The following KCND2 variants were observed in gnomAD, a reference collection of about 807,000 sequenced individuals.
KCND2 encodes potassium voltage-gated channel subfamily D member 2.
A neutral mutation model predicts 54.4 loss-of-function variants in KCND2; 16 were observed. The ratio of observed to expected loss-of-function variants is 0.29; its 90% CI spans 0.20 to 0.45. KCND2 has a LOEUF of 0.45. Ranked by LOEUF, KCND2 falls within the 20% of genes least tolerant of loss-of-function variation. The probability of loss-of-function intolerance (pLI) is 1.00; values close to 1 mark genes in which losing one functional copy is unlikely to be tolerated. For synonymous variants in KCND2, 317 were observed against 310.7 expected (o/e 1.02, Z -0.21); for missense variants, 486 against 824.2 (o/e 0.59, Z 5.02).
At chr7:120,645,787 G>A (rs961554055) in intron 1 of KCND2, among the ~76,000 whole-genome samples, 20 of 152,168 alleles carry the variant, frequency 1.3e-4, no homozygotes, top group African/African-American at 4.3e-4. Context: ...ATGCTAATAT[G>A]GTGTTTTATG....
intron 1 of KCND2, among the ~76,000 whole-genome samples, chr7:120,628,204 A>C (rs1341649601): frequency 6.6e-6 from 1 of 152,192 alleles, no homozygotes; most frequent in Non-Finnish European, 1.5e-5. Context: ...ATAAGCGAAC[A>C]CTCAAATAAC....
chr7:120,709,448 T>C (rs1792511352), intron 1 of KCND2, among the ~76,000 whole-genome samples: 1 of 152,178 alleles, frequency 6.6e-6, no homozygotes, highest in Admixed American at 6.6e-5. Context: ...ACTAACTCAA[T>C]TGTTTTTATG....
intron 1 of KCND2, among the ~76,000 whole-genome samples, chr7:120,515,609 T>TA (rs988276305): frequency 1.6e-4 from 24 of 152,020 alleles, no homozygotes; most frequent in Admixed American, 5.9e-4. Flanking sequence ...GTTCCCCTGT[T>TA]AATGCCTCAG....
At chr7:120,431,423 T>C (rs928329002) in intron 1 of KCND2, among the ~76,000 whole-genome samples, 3 of 152,302 alleles carry the variant, frequency 2.0e-5, no homozygotes, top group African/African-American at 7.2e-5. Flanking sequence ...GTATCAGTTA[T>C]TGCAGGTAAT....
intron 1 of KCND2, among the ~76,000 whole-genome samples, chr7:120,402,769 CAT>C (rs1801283775): frequency 6.6e-6 from 1 of 152,094 alleles, no homozygotes; most frequent in South Asian, 2.1e-4. Flanking sequence ...ATCTTTTTGA[CAT>C]AGTTTGCTTA....
chr7:120,359,983 T>C lies in KCND2; in HGVS notation c.1115+84236T>C, dbSNP rs181868625. On this transcript the variant is annotated intron_variant, in intron 1 of 5. Coordinates refer to ENST00000331113, the MANE Select transcript of KCND2 (RefSeq NM_012281.3). ...GACTGCTCAGCAATAAAACTGTGAG[T>C]CAATTAAACCTCTTTTCTTTATAAA... 3.9e-5 allele frequency among the ~76,000 whole-genome samples: 6 copies of C among 152,196 alleles called. No individual in the cohort carries two copies. The East Asian group carries it at 1.2e-3, about 29-fold the overall frequency.
chr7:120,708,912 A>G (rs1009682627), intron 1 of KCND2, among the ~76,000 whole-genome samples: 4 of 152,144 alleles, frequency 2.6e-5, no homozygotes, highest in Non-Finnish European at 1.5e-5. Flanking sequence ...TTTACCCAGT[A>G]GGCTCTATAT....
At chr7:120,503,453 G>A (rs1609181) in intron 1 of KCND2, among the ~76,000 whole-genome samples, 22,233 of 151,602 alleles carry the variant, frequency 0.15, 3,092 homozygotes, top group African/African-American at 0.37. Context: ...GCAGAGACTT[G>A]TATGTACTTT....
intron 1 of KCND2, among the ~76,000 whole-genome samples, chr7:120,310,481 A>G (rs536652851): frequency 6.6e-6 from 1 of 152,208 alleles, no homozygotes; most frequent in Admixed American, 6.5e-5. Flanking sequence ...CAAAATACTT[A>G]TATAAATGTC....
intron 1 of KCND2, among the ~76,000 whole-genome samples, chr7:120,671,375 T>C (rs1199195227): frequency 6.6e-6 from 1 of 152,044 alleles, no homozygotes; most frequent in Non-Finnish European, 1.5e-5. Context: ...CAGGCAGTAA[T>C]GCTCATACGC....
chr7:120,717,200 T>G (rs990799610), intron 1 of KCND2, among the ~76,000 whole-genome samples: 7 of 152,060 alleles, frequency 4.6e-5, no homozygotes, highest in African/African-American at 1.7e-4. Flanking sequence ...CTAGCAATCA[T>G]CAGAAGGAGG....
chr7:120,648,542 G>T (rs953844034), intron 1 of KCND2, among the ~76,000 whole-genome samples: 13 of 152,234 alleles, frequency 8.5e-5, no homozygotes, highest in African/African-American at 3.1e-4. Flanking sequence ...GAAAGGAGTA[G>T]ATGAGGCAAA....
At chr7:120,619,991 G>T (rs543973462) in intron 1 of KCND2, among the ~76,000 whole-genome samples, 2 of 152,118 alleles carry the variant, frequency 1.3e-5, no homozygotes, top group African/African-American at 4.8e-5. Flanking sequence ...TCAAGTGGTT[G>T]CTTTATTCAC....
intron 2 of KCND2, among the ~76,000 whole-genome samples, chr7:120,738,371 T>C (rs1792899980): frequency 6.6e-6 from 1 of 152,008 alleles, no homozygotes; most frequent in Admixed American, 6.6e-5. Context: ...GAACCAACTT[T>C]GAGAAATCCT....
chr7:120,273,775 C>G lies in KCND2; in HGVS notation c.-858C>G, dbSNP rs1033212398. The G allele has an allele frequency of 2.0e-5, 3 of 152,792 alleles. No homozygotes were observed. Among genetic ancestry groups the G allele is most frequent in the Admixed American group, 2.0e-4 (3 of 15,282 alleles). 9.5% of individuals were successfully genotyped at this position (152,792 alleles called of 1,614,324 possible). A position where few individuals can be genotyped will look rare whatever the true frequency, so the allele number is the denominator to read the frequency against. ...CGCGCACTTGGCCAGGTATGTACCG[C>G]GGGAGCGGCGCGTTCTGCGCGGAAG... On this transcript the variant is annotated 5_prime_UTR_variant, in exon 1 of 6. Transcript: ENST00000331113.
At chr7:120,705,628 C>A (rs1458745701) in intron 1 of KCND2, among the ~76,000 whole-genome samples, 1 of 152,104 alleles carries the variant, frequency 6.6e-6, no homozygotes, top group Admixed American at 6.6e-5. Flanking sequence ...TTTCCAGAGT[C>A]CTCCAATAAA....
chr7:120,461,367 A>G (rs752165699), intron 1 of KCND2, among the ~76,000 whole-genome samples: 41 of 152,186 alleles, frequency 2.7e-4, no homozygotes, highest in Non-Finnish European at 4.9e-4. Flanking sequence ...TTCAAATAAA[A>G]GAAAACATTT....
intron 1 of KCND2, among the ~76,000 whole-genome samples, chr7:120,385,215 C>G (rs1056781084): frequency 6.6e-6 from 1 of 151,324 alleles, no homozygotes; most frequent in African/African-American, 2.4e-5. Context: ...TGTTCAAGAA[C>G]TCCTGAGCTC....
At chr7:120,347,616 G>T (rs1186967346) in intron 1 of KCND2, among the ~76,000 whole-genome samples, 1 of 152,028 alleles carries the variant, frequency 6.6e-6, no homozygotes, top group African/African-American at 2.4e-5. Context: ...AATTATCTGG[G>T]CATGGTGTCG....
Sources: allele counts gnomAD v4.1 joint callset (sites outside exome capture counted in the v4.1 genomes callset), GRCh38; gene constraint gnomAD v4.1.1; transcripts MANE v1.5; gene names NCBI Gene and HGNC (gene_info 2026-07-23, HGNC 2026-07-21).